UHRF2: variants seen among roughly 807,000 people sequenced by gnomAD.
UHRF2 encodes E3 ubiquitin-protein ligase UHRF2.
In UHRF2, 23 loss-of-function variants were observed where a neutral mutation model predicts 96.8. The ratio of observed to expected loss-of-function variants is 0.24; its 90% CI spans 0.17 to 0.34. The LOEUF is 0.34. Ranked by LOEUF, UHRF2 falls within the 10% of genes least tolerant of loss-of-function variation. The pLI is 1.00. For missense variants in UHRF2, 685 were observed against 981.5 expected, an observed-to-expected ratio of 0.70 and a Z score of 4.04; for synonymous variants, 385 against 332.6, an observed-to-expected ratio of 1.16 and a Z score of -1.72.
Position 6,413,338 on chromosome 9 carries a change from T to G in UHRF2, c.-153T>G. 1.5e-6 allele frequency: 1 copy of G among 682,842 alleles called. No homozygotes were observed. The highest frequency in any genetic ancestry group is 7.3e-5 in the South Asian group (1 of 13,722). The allele number at this position is 682,842 out of a possible 1,614,324, so 42.3% of individuals were successfully genotyped here. A position where few individuals can be genotyped will look rare whatever the true frequency, so the allele number is the denominator to read the frequency against. On this transcript the variant is annotated 5_prime_UTR_variant, in exon 1 of 16. Coordinates refer to ENST00000276893, the MANE Select transcript of UHRF2 (RefSeq NM_152896.3). ...GCGCGCGCTGAGAGTCGTCGCCGCC[T>G]GTCGGGCCCGGCGTCCGGTCGGTCC...
intron 4 of UHRF2, among the ~76,000 whole-genome samples, chr9:6,465,826 G>A (rs1563778900): frequency 1.3e-5 from 2 of 152,126 alleles, no homozygotes; most frequent in African/African-American, 4.8e-5. Context: ...TAAAGTTCAT[G>A]CTTGTTTCTG....
intron 14 of UHRF2, among the ~76,000 whole-genome samples, 174 bp downstream of exon 14, chr9:6,500,883 A>G (rs1211155081): frequency 6.6e-6 from 1 of 152,240 alleles, no homozygotes; most frequent in Non-Finnish European, 1.5e-5. Context: ...ACATGCGCCT[A>G]AATTTACTTT....
At chr9:6,422,569 T>G (rs967617225) in intron 2 of UHRF2, 12 of 515,846 alleles carry the variant, frequency 2.3e-5, no homozygotes, top group Non-Finnish European at 3.6e-5. Flanking sequence ...GTTGAGTCTT[T>G]TAATTCATGA....
At chr9:6,434,394 C>G (rs1250436510) in intron 3 of UHRF2, 12 of 500,592 alleles carry the variant, frequency 2.4e-5, no homozygotes, top group Non-Finnish European at 4.1e-5. Flanking sequence ...TATCACAATA[C>G]TGGCTTAATT....
At chr9:6,451,226 A>G (rs1225813585) in intron 3 of UHRF2, among the ~76,000 whole-genome samples, 1 of 152,176 alleles carries the variant, frequency 6.6e-6, no homozygotes, top group Non-Finnish European at 1.5e-5. Flanking sequence ...TGTCTAGTGA[A>G]CTTGGTGTGC....
At chr9:6,437,239 A>G (rs567578091) in intron 3 of UHRF2, among the ~76,000 whole-genome samples, 1 of 152,142 alleles carries the variant, frequency 6.6e-6, no homozygotes. Context: ...TTATTTTATT[A>G]TTATTATTTT....
intron 2 of UHRF2, among the ~76,000 whole-genome samples, chr9:6,424,081 T>C (rs533742437): frequency 3.6e-4 from 55 of 152,258 alleles, no homozygotes; most frequent in African/African-American, 1.2e-3. Flanking sequence ...GCTTCCTTAT[T>C]TGACATCTTT....
intron 4 of UHRF2, among the ~76,000 whole-genome samples, chr9:6,465,411 C>T (rs1042317873): frequency 6.6e-6 from 1 of 152,108 alleles, no homozygotes; most frequent in Admixed American, 6.5e-5. Context: ...TAGAACTTCT[C>T]AATAAAGTCA....
intron 2 of UHRF2, among the ~76,000 whole-genome samples, chr9:6,430,093 C>T (rs1210718069): frequency 1.3e-5 from 2 of 152,248 alleles, no homozygotes; most frequent in Non-Finnish European, 2.9e-5. Context: ...CCATTACAAC[C>T]TCCACCTCCT....
chr9:6,460,641 A>G lies in UHRF2; in HGVS notation c.713A>G (p.Lys238Arg), dbSNP rs1423831365. The change falls in exon 4 of 16, where the codon AAA (lysine) becomes AGA (arginine). Residue 238 changes from lysine (K) to arginine (R), a missense_variant. Coordinates refer to ENST00000276893, the MANE Select transcript of UHRF2 (RefSeq NM_152896.3). Reference sequence around the variant, plus strand: ...AGACCACGAGCTAGAACCATTTTGAAATGGAATGAACTAAATGTTGGTGAT... The same window carrying G: ...AGACCACGAGCTAGAACCATTTTGAGATGGAATGAACTAAATGTTGGTGAT... ...DLRPRARTIL[K>R]WNELNVGDVV... 1 of 1,613,366 alleles carries G rather than the reference A, an allele frequency of 6.2e-7. No homozygotes were observed. The highest frequency in any genetic ancestry group is 8.5e-7 in the Non-Finnish European group (1 of 1,179,818).
intron 3 of UHRF2, among the ~76,000 whole-genome samples, chr9:6,439,312 G>A (rs1821024291): frequency 6.6e-6 from 1 of 152,150 alleles, no homozygotes. Flanking sequence ...AGCCTCCTGA[G>A]ACACAGATGT....
intron 1 of UHRF2, chr9:6,415,409 A>G (rs1819541186): frequency 6.6e-6 from 1 of 152,246 alleles, no homozygotes; most frequent in Non-Finnish European, 1.5e-5. Flanking sequence ...ACAGAAAAGG[A>G]AGGTCATTGG....
intron 3 of UHRF2, among the ~76,000 whole-genome samples, chr9:6,442,993 G>A (rs971033651): frequency 5.9e-5 from 9 of 152,090 alleles, no homozygotes; most frequent in African/African-American, 1.9e-4. Context: ...ATTTAACTTA[G>A]TGGTCTAATT....
At chr9:6,471,466 G>A (rs1175562783) in intron 4 of UHRF2, among the ~76,000 whole-genome samples, 1 of 152,128 alleles carries the variant, frequency 6.6e-6, no homozygotes, top group Non-Finnish European at 1.5e-5. Context: ...AGAATATGGT[G>A]TAAGTGATGC....
intron 2 of UHRF2, among the ~76,000 whole-genome samples, chr9:6,421,473 C>T (rs1002849463): frequency 2.0e-5 from 3 of 152,118 alleles, no homozygotes; most frequent in African/African-American, 4.8e-5. Context: ...AGTGCAGTGG[C>T]GCACGCAATC....
At chr9:6,421,392 A>G (rs1336576675) in intron 2 of UHRF2, among the ~76,000 whole-genome samples, 2 of 152,104 alleles carry the variant, frequency 1.3e-5, no homozygotes, top group Non-Finnish European at 2.9e-5. Flanking sequence ...TAAGAAGTAG[A>G]TTGATTTAAA....
Position 6,460,337 on chromosome 9 carries a change from C to G in UHRF2, c.645-236C>G, listed in dbSNP as rs563068269. The stretch of plus-strand genomic sequence containing the variant: ...CAAGCCATGAAGAGATCCACATCTC[C>G]AAGGCCTAGTGGGAATGGGGAGACA... On this transcript the variant is annotated intron_variant, in intron 3 of 15. Coordinates refer to ENST00000276893, the MANE Select transcript of UHRF2 (RefSeq NM_152896.3). Among the ~76,000 whole-genome samples, 4 of 152,250 alleles carry G rather than the reference C, an allele frequency of 2.6e-5. No individual in the cohort carries two copies. The East Asian group carries it at 7.7e-4, about 29-fold the overall frequency.
At chr9:6,448,002 AG>A (rs1208560534) in intron 3 of UHRF2, among the ~76,000 whole-genome samples, 4 of 152,206 alleles carry the variant, frequency 2.6e-5, no homozygotes, top group Non-Finnish European at 5.9e-5. Flanking sequence ...AAAACAGGAA[AG>A]AAGACATGCT....
chr9:6,450,084 T>C (rs1480872678), intron 3 of UHRF2, among the ~76,000 whole-genome samples: 3 of 152,310 alleles, frequency 2.0e-5, no homozygotes, highest in East Asian at 1.9e-4. Context: ...TGCTACATCA[T>C]TGAACCTGGG....
Sources: allele counts gnomAD v4.1 joint callset (sites outside exome capture counted in the v4.1 genomes callset), GRCh38; gene constraint gnomAD v4.1.1; transcripts MANE v1.5; gene names NCBI Gene and HGNC (gene_info 2026-07-23, HGNC 2026-07-21).